The following UTRN variants were observed in gnomAD, a reference collection of about 807,000 sequenced individuals.
UTRN encodes dystrophin-related protein 1.
UTRN carries 283 observed loss-of-function variants against 463.9 expected under a neutral mutation model. The observed-to-expected ratio is 0.61, with a 90% CI of 0.55 to 0.67. UTRN has a LOEUF of 0.67. UTRN is among the 30% of genes least tolerant of loss of function. The probability of loss-of-function intolerance (pLI) is 0.00; values close to 1 mark genes in which losing one functional copy is unlikely to be tolerated. For missense variants in UTRN, 3,922 were observed against 4,084.3 expected (o/e 0.96, Z 1.08); for synonymous variants, 1,442 against 1,431.5 (o/e 1.01, Z -0.17).
intron 3 of UTRN, among the ~76,000 whole-genome samples, chr6:144,409,921 CAA>C (rs1180937838): frequency 6.6e-6 from 1 of 152,148 alleles, no homozygotes; most frequent in African/African-American, 2.4e-5. Flanking sequence ...CTAAAGACGT[CAA>C]AGTCTGGACA....
At chr6:144,657,016 C>T (rs541444899) in intron 51 of UTRN, among the ~76,000 whole-genome samples, 4 of 152,060 alleles carry the variant, frequency 2.6e-5, no homozygotes, top group African/African-American at 4.8e-5. Flanking sequence ...TTTGGAAGGC[C>T]GAGGCAGGTG....
chr6:144,426,696 A>G (rs1286200900), intron 7 of UTRN, among the ~76,000 whole-genome samples: 2 of 152,250 alleles, frequency 1.3e-5, no homozygotes, highest in African/African-American at 4.8e-5. Context: ...CTGCATATTT[A>G]TGAATTTAAA....
intron 2 of UTRN, among the ~76,000 whole-genome samples, chr6:144,316,674 A>G (rs1247946003): frequency 6.6e-6 from 1 of 152,248 alleles, no homozygotes; most frequent in African/African-American, 2.4e-5. Context: ...TGGAGAAAAT[A>G]TTTCCTAAAA....
chr6:144,603,386 T>A (rs1047973779), intron 51 of UTRN, among the ~76,000 whole-genome samples: 1 of 152,238 alleles, frequency 6.6e-6, no homozygotes, highest in Non-Finnish European at 1.5e-5. Flanking sequence ...CTATAGCATA[T>A]GAGAACACTC....
chr6:144,330,993 C>T (rs750631257), intron 2 of UTRN: 5 of 985,202 alleles, frequency 5.1e-6, no homozygotes, highest in Admixed American at 6.2e-5. Context: ...AATCCACAAA[C>T]GGAGACGGCA....
At chr6:144,623,577 AATGGTAGTCCTCT>A (rs1775651936) in intron 51 of UTRN, among the ~76,000 whole-genome samples, 1 of 152,194 alleles carries the variant, frequency 6.6e-6, no homozygotes, top group African/African-American at 2.4e-5. Context: ...AGTGAAGAAA[AATGGTAGTCCTCT>A]TTCAGATAGA....
chr6:144,542,710 A>G (rs918501565), intron 45 of UTRN, 85 bp from the exon 46 acceptor site: 152 of 1,389,474 alleles, frequency 1.1e-4, no homozygotes, highest in Non-Finnish European at 1.5e-4. Flanking sequence ...CAGAGCTGCC[A>G]TTCAGAATAA....
intron 33 of UTRN, among the ~76,000 whole-genome samples, chr6:144,495,440 G>C (rs1333214019): frequency 1.3e-5 from 2 of 152,244 alleles, no homozygotes; most frequent in African/African-American, 4.8e-5. Context: ...CTGCTGCTCC[G>C]AGTGCGGGGC....
At chr6:144,655,044 T>C (rs566172047) in intron 51 of UTRN, among the ~76,000 whole-genome samples, 1 of 152,354 alleles carries the variant, frequency 6.6e-6, no homozygotes, top group East Asian at 1.9e-4. Context: ...TAATTTTTAT[T>C]TCTCCATGAC....
intron 19 of UTRN, among the ~76,000 whole-genome samples, chr6:144,455,656 C>T (rs1231714716): frequency 6.6e-6 from 1 of 152,154 alleles, no homozygotes; most frequent in East Asian, 1.9e-4. Context: ...GTGAGAATAA[C>T]AGTGATTGGG....
rs533888669 is a variant in UTRN at position 144,694,868 on chromosome 6, G to T, written c.7653-5219G>T. On this transcript the variant is annotated intron_variant, in intron 52 of 74. Transcript: ENST00000367545. Reference sequence around the variant, plus strand: ...CCTGGATAAGTTGATCTTTTGAATGGTTTTTTTGTGTCTCAGTCTCCTACA... The same window carrying T: ...CCTGGATAAGTTGATCTTTTGAATGTTTTTTTTGTGTCTCAGTCTCCTACA... Among the ~76,000 whole-genome samples the T allele has an allele frequency of 9.3e-4, 140 of 151,258 alleles. 1 individual carries two copies. Among genetic ancestry groups the T allele is most frequent in the African/African-American group, 3.2e-3 (132 of 41,238 alleles).
At chr6:144,490,322 G>A (rs1792934992) in intron 31 of UTRN, 123 bp downstream of exon 31, 3 of 1,363,040 alleles carry the variant, frequency 2.2e-6, no homozygotes, top group South Asian at 1.5e-5. Flanking sequence ...TGGGATGGGA[G>A]TGATGATGTG....
intron 51 of UTRN, among the ~76,000 whole-genome samples, chr6:144,598,265 T>A (rs552089822): frequency 1.3e-5 from 2 of 152,316 alleles, no homozygotes; most frequent in East Asian, 3.9e-4. Flanking sequence ...TACATTGGTT[T>A]GGTCCAAAAA....
intron 51 of UTRN, among the ~76,000 whole-genome samples, chr6:144,591,326 G>A (rs1279225487): frequency 6.6e-6 from 1 of 152,006 alleles, no homozygotes; most frequent in African/African-American, 2.4e-5. Context: ...ATTTTCCCTG[G>A]GGTTGTTATT....
rs748562820 is a variant in UTRN at position 144,516,956 on chromosome 6, G to T, written c.5541+8G>T. The T allele has an allele frequency of 6.2e-6, 9 of 1,457,868 alleles. No homozygotes were observed. The highest frequency in any genetic ancestry group is 8.1e-6 in the Non-Finnish European group (9 of 1,108,656). The allele number at this position is 1,457,868 out of a possible 1,614,324, so 90.3% of individuals were successfully genotyped here. A position where few individuals can be genotyped will look rare whatever the true frequency, so the allele number is the denominator to read the frequency against. On this transcript the variant is annotated splice_region_variant and intron_variant, in intron 39 of 74. Coordinates refer to ENST00000367545, the MANE Select transcript of UTRN (RefSeq NM_007124.3). ...AGATACAACAAAATTAAGGTATTAT[G>T]ATTGGAGAGTCTCTGTTGCATTTAA...
At chr6:144,330,919 G>A (rs1363980400) in intron 2 of UTRN, 1 of 985,284 alleles carries the variant, frequency 1.0e-6, no homozygotes. Context: ...TGCACTGTTG[G>A]TTTGGGAGTC....
chr6:144,577,392 T>A, intron 51 of UTRN, 104 bp downstream of exon 51: 3 of 1,191,284 alleles, frequency 2.5e-6, no homozygotes, highest in Non-Finnish European at 3.5e-6. Flanking sequence ...TGTCACTTTA[T>A]TCTCTTATGA....
At chr6:144,783,164 C>G (rs941766340) in intron 61 of UTRN, among the ~76,000 whole-genome samples, 1 of 151,400 alleles carries the variant, frequency 6.6e-6, no homozygotes, top group Non-Finnish European at 1.5e-5. Flanking sequence ...CCACTCCACT[C>G]CAGTCTGGGT....
chr6:144,390,612 C>G (rs1375183167), intron 2 of UTRN, among the ~76,000 whole-genome samples: 1 of 152,196 alleles, frequency 6.6e-6, no homozygotes, highest in Non-Finnish European at 1.5e-5. Context: ...ACAGTTGTGT[C>G]TGCATCATGT....
Sources: allele counts gnomAD v4.1 joint callset (sites outside exome capture counted in the v4.1 genomes callset), GRCh38; gene constraint gnomAD v4.1.1; transcripts MANE v1.5; gene names NCBI Gene and HGNC (gene_info 2026-07-23, HGNC 2026-07-21).